The following PROS1 variants were observed in gnomAD, a reference collection of about 807,000 sequenced individuals.
PROS1 encodes the protein vitamin K-dependent protein S.
A neutral mutation model predicts 75.9 loss-of-function variants in PROS1; 29 were observed. That is an observed-to-expected ratio of 0.38 (90% confidence interval 0.28 to 0.52). The LOEUF (loss-of-function observed/expected upper bound fraction) is 0.52, where lower values mean the gene tolerates loss of function less well. Ranked by LOEUF, PROS1 falls within the 20% of genes least tolerant of loss-of-function variation. The pLI is 0.83. For missense variants in PROS1, 680 were observed against 810.3 expected (o/e 0.84, Z 1.95); for synonymous variants, 245 against 280.6 (o/e 0.87, Z 1.27).
chr3:93,935,649 A>T (rs1709171503), intron 1 of PROS1, among the ~76,000 whole-genome samples: 1 of 152,176 alleles, frequency 6.6e-6, no homozygotes, highest in African/African-American at 2.4e-5. Context: ...TTCAGATATC[A>T]ATGGCATTCC....
intron 1 of PROS1, among the ~76,000 whole-genome samples, chr3:93,972,426 A>G (rs747844653): frequency 5.3e-4 from 80 of 152,290 alleles, no homozygotes; most frequent in Admixed American, 1.0e-3. Flanking sequence ...ATTGATATAT[A>G]ATTTTCTAGA....
chr3:93,875,789 A>G (rs566167924), intron 14 of PROS1, among the ~76,000 whole-genome samples: 17 of 152,302 alleles, frequency 1.1e-4, no homozygotes, highest in Middle Eastern at 3.4e-3. Context: ...GAGCAGTTTA[A>G]GCAGTATATT....
At chr3:93,950,108 T>C (rs1207182748) in intron 1 of PROS1, among the ~76,000 whole-genome samples, 2 of 152,088 alleles carry the variant, frequency 1.3e-5, no homozygotes, top group Non-Finnish European at 2.9e-5. Context: ...TGAGATCAAA[T>C]TGCAAGCCAG....
chr3:93,898,703 A>C (rs1457128517), intron 7 of PROS1, 134 bp from the exon 8 acceptor site: 3 of 937,272 alleles, frequency 3.2e-6, no homozygotes, highest in African/African-American at 3.3e-5. Context: ...ATACTATGAC[A>C]TCAAACTACA....
At chr3:93,902,869 T>G (rs1282068588) in intron 6 of PROS1, among the ~76,000 whole-genome samples, 1 of 152,104 alleles carries the variant, frequency 6.6e-6, no homozygotes, top group African/African-American at 2.4e-5. Flanking sequence ...CTCATTGTAA[T>G]AGTGTTTTTT....
intron 3 of PROS1, among the ~76,000 whole-genome samples, chr3:93,915,025 C>A (rs561048164): frequency 1.3e-5 from 2 of 152,108 alleles, no homozygotes; most frequent in African/African-American, 4.8e-5. Context: ...TGGGACACAC[C>A]CTTGGTTTGC....
chr3:93,905,794 T>C lies in PROS1; in HGVS notation c.591A>G (p.Lys197=). 6.2e-7 allele frequency: 1 copy of C among 1,611,618 alleles called. No homozygotes were observed. The highest frequency in any genetic ancestry group is 8.5e-7 in the Non-Finnish European group (1 of 1,177,808). The change falls in exon 6 of 15, where the codon AAA becomes AAG. Residue 197 remains lysine (K), a synonymous_variant. Transcript: ENST00000394236. ...CCATCCTGCTCTTACCTTTACAATC[T>C]TTCTTATTTGAAAGCATAACAAAAC... The part of the protein sequence containing the change: ...KNGFVMLSNK[K]DCKDVDECSL...
chr3:93,969,096 G>GT lies in PROS1; in HGVS notation c.76+4577dup, dbSNP rs201287613. ...AACCATTACCTGTATTCCCTTGCCT[G>GT]TTTTTTTTGTTTTTGCTTTTGTTTT... On this transcript the variant is annotated intron_variant, in intron 1 of 14. Coordinates refer to ENST00000394236, the MANE Select transcript of PROS1 (RefSeq NM_000313.4). Among the ~76,000 whole-genome samples, 49 of 123,644 alleles carry GT rather than the reference G, an allele frequency of 4.0e-4. No individual in the cohort carries two copies. The East Asian group carries it at 5.3e-3, about 13-fold the overall frequency. The allele number at this position is 123,644 out of a possible 152,430, so 81.1% of individuals were successfully genotyped here.
At chr3:93,926,246 C>G (rs560946930) in intron 2 of PROS1, among the ~76,000 whole-genome samples, 1 of 152,154 alleles carries the variant, frequency 6.6e-6, no homozygotes, top group African/African-American at 2.4e-5. Flanking sequence ...AAATGTATTA[C>G]ACTGATCTCT....
At chr3:93,898,347 C>G in intron 8 of PROS1, 101 bp downstream of exon 8, 1 of 1,360,882 alleles carries the variant, frequency 7.3e-7, no homozygotes, top group Non-Finnish European at 1.0e-6. Flanking sequence ...GCAATTATTG[C>G]AGAACGTCTG....
chr3:93,949,935 G>T (rs1179028870), intron 1 of PROS1, among the ~76,000 whole-genome samples: 1 of 152,196 alleles, frequency 6.6e-6, no homozygotes, highest in Non-Finnish European at 1.5e-5. Context: ...TTCCTAGCCA[G>T]GGGAAGCCAT....
intron 9 of PROS1, among the ~76,000 whole-genome samples, chr3:93,896,334 G>A (rs930808897): frequency 8.5e-5 from 13 of 152,076 alleles, no homozygotes; most frequent in Admixed American, 3.3e-4. Context: ...GAATAATATG[G>A]AATAATGTAA....
chr3:93,919,241 T>G (rs576595754), intron 3 of PROS1, among the ~76,000 whole-genome samples: 2 of 152,234 alleles, frequency 1.3e-5, no homozygotes, highest in Non-Finnish European at 2.9e-5. Context: ...TTAATGGCTC[T>G]CAGAGGTGCA....
At chr3:93,931,389 T>A (rs1395630568) in intron 1 of PROS1, among the ~76,000 whole-genome samples, 2 of 152,238 alleles carry the variant, frequency 1.3e-5, no homozygotes, top group Admixed American at 6.5e-5. Context: ...ACTGATGTCA[T>A]TAGTTTAGAT....
intron 8 of PROS1, among the ~76,000 whole-genome samples, 198 bp from the exon 9 acceptor site, chr3:93,896,889 C>A (rs1363616498): frequency 6.6e-6 from 1 of 152,056 alleles, no homozygotes; most frequent in African/African-American, 2.4e-5. Flanking sequence ...AGTATAACCT[C>A]CAAGAATACA....
At chr3:93,971,526 G>A (rs1709881120) in intron 1 of PROS1, among the ~76,000 whole-genome samples, 1 of 151,710 alleles carries the variant, frequency 6.6e-6, no homozygotes, top group Admixed American at 6.6e-5. Flanking sequence ...AGCACTTTGG[G>A]CAGCCAAAGT....
At position 93,971,797 on chromosome 3, in the gene PROS1, G is replaced by A. The variant is rs150637695; in HGVS notation, c.76+1877C>T. On this transcript the variant is annotated intron_variant, in intron 1 of 14. Coordinates refer to ENST00000394236, the MANE Select transcript of PROS1 (RefSeq NM_000313.4). ...CCAGCCTTAGTGACAGAACTAGACC[G>A]TCTCAAAAAAGTAAATAAATAAAAA... 6.1e-3 allele frequency among the ~76,000 whole-genome samples: 919 copies of A among 151,880 alleles called. 7 individuals are homozygous for A. The highest frequency in any genetic ancestry group is 7.4e-3 in the Non-Finnish European group (502 of 67,958).
At chr3:93,924,602 C>T (rs1708988825) in intron 2 of PROS1, among the ~76,000 whole-genome samples, 1 of 151,298 alleles carries the variant, frequency 6.6e-6, no homozygotes, top group Admixed American at 6.6e-5. Flanking sequence ...CCATTTGACA[C>T]ATTTTATGTC....
Position 93,886,306 on chromosome 3 carries a change from A to G in PROS1, c.1323+30T>C, listed in dbSNP as rs1256138752. On this transcript the variant is annotated intron_variant, in intron 11 of 14. Coordinates refer to ENST00000394236, the MANE Select transcript of PROS1 (RefSeq NM_000313.4). ...TATTACAGACAAAAGGAACTCATCC[A>G]TGATGAATGATACAAGCTTGGATCA... The G allele has an allele frequency of 4.4e-6, 7 of 1,601,558 alleles. No homozygotes were observed. The East Asian group carries it at 1.3e-4, about 31-fold the overall frequency.
Sources: allele counts gnomAD v4.1 joint callset (sites outside exome capture counted in the v4.1 genomes callset), GRCh38; gene constraint gnomAD v4.1.1; transcripts MANE v1.5; gene names NCBI Gene and HGNC (gene_info 2026-07-23, HGNC 2026-07-21).